Variants in OPA1 observed in about 807,000 individuals in gnomAD.
The protein encoded by OPA1 is dynamin-like GTPase OPA1, mitochondrial.
Under a neutral mutation model 152.9 loss-of-function variants are expected in OPA1, and 59 were observed. The observed-to-expected ratio is 0.39, with a 90% confidence interval of 0.31 to 0.48. The LOEUF (loss-of-function observed/expected upper bound fraction) is 0.48. OPA1 is among the 20% of genes least tolerant of loss of function. The pLI is 0.96. For synonymous variants in OPA1, 400 were observed against 389.9 expected (o/e 1.03, Z -0.31); for missense variants, 1,008 against 1,216.8 (o/e 0.83, Z 2.55).
chr3:193,676,982 A>G (rs1174636827), intron 29 of OPA1, among the ~76,000 whole-genome samples: 6,925 of 67,026 alleles, frequency 0.1, 145 homozygotes, highest in Non-Finnish European at 0.15. Flanking sequence ...CTCGTCTCAA[A>G]AAAAAAAAAA....
chr3:193,607,579 A>G (rs1391394688), intron 1 of OPA1, among the ~76,000 whole-genome samples: 1 of 152,142 alleles, frequency 6.6e-6, no homozygotes, highest in Non-Finnish European at 1.5e-5. Context: ...AGTTGTAGAT[A>G]TGCGGCGTTA....
At chr3:193,612,380 G>A (rs1004041421) in intron 1 of OPA1, among the ~76,000 whole-genome samples, 5 of 150,786 alleles carry the variant, frequency 3.3e-5, no homozygotes, top group African/African-American at 9.8e-5. Context: ...GGAACAGTCC[G>A]AGTTAGATCA....
Position 193,654,970 on chromosome 3 carries a change from A to G in OPA1, c.2121A>G (p.Thr707=). Residue 707 remains threonine, a synonymous_variant, in exon 22 of 31, where the codon ACA becomes ACG. Coordinates refer to ENST00000361510, the MANE Select transcript of OPA1 (RefSeq NM_130837.3). ...QTMNSGTFNT[T]VDIKLKQWTD... ...TGAATTCAGGAACTTTTAACACCAC[A>G]GTGGATATCAAGCTTAAACAGTGGA... 1 of 1,613,964 alleles carries G rather than the reference A, an allele frequency of 6.2e-7. No individual in the cohort carries two copies. Among genetic ancestry groups the G allele is most frequent in the Non-Finnish European group, 8.5e-7 (1 of 1,179,898 alleles).
chr3:193,672,479 C>T (rs1718139985), intron 29 of OPA1, among the ~76,000 whole-genome samples: 1 of 152,262 alleles, frequency 6.6e-6, no homozygotes, highest in African/African-American at 2.4e-5. Flanking sequence ...TTCACTAAAG[C>T]CTGTTACACT....
At chr3:193,599,636 G>A (rs1355846124) in intron 1 of OPA1, among the ~76,000 whole-genome samples, 1 of 151,898 alleles carries the variant, frequency 6.6e-6, no homozygotes, top group Non-Finnish European at 1.5e-5. Context: ...TGTCGCTTGT[G>A]GAAATAATTT....
intron 29 of OPA1, among the ~76,000 whole-genome samples, chr3:193,679,433 G>A (rs1719769689): frequency 6.6e-6 from 1 of 151,966 alleles, no homozygotes; most frequent in Admixed American, 6.6e-5. Flanking sequence ...TTATTTTACA[G>A]TTTACAAAAC....
At chr3:193,688,108 G>A (rs1577401756) in intron 29 of OPA1, among the ~76,000 whole-genome samples, 2 of 152,108 alleles carry the variant, frequency 1.3e-5, no homozygotes, top group Non-Finnish European at 2.9e-5. Flanking sequence ...CACTAGTGTA[G>A]TATTCATGAA....
At chr3:193,633,318 G>C (rs551584630) in intron 8 of OPA1, among the ~76,000 whole-genome samples, 1 of 152,310 alleles carries the variant, frequency 6.6e-6, no homozygotes, top group African/African-American at 2.4e-5. Flanking sequence ...TAAAGTTTGA[G>C]AATTATTGTT....
At chr3:193,637,486 A>C in intron 10 of OPA1, among the ~76,000 whole-genome samples, 1 of 151,998 alleles carries the variant, frequency 6.6e-6, no homozygotes, top group East Asian at 1.9e-4. Flanking sequence ...ATATTAATAA[A>C]TATAAGTACA....
At chr3:193,603,623 A>C (rs1726787933) in intron 1 of OPA1, 2 of 152,228 alleles carry the variant, frequency 1.3e-5, no homozygotes, top group African/African-American at 2.4e-5. Context: ...CATGTCTACT[A>C]TCCGTAAATA....
In OPA1 at chr3:193,643,376, A is replaced by G. The variant is rs1012617533; in HGVS notation, c.1309A>G (p.Ile437Val). The change falls in exon 14 of 31, where the codon ATA becomes GTA. Residue 437 changes from isoleucine (I) to valine (V), a missense_variant. Coordinates refer to ENST00000361510, the MANE Select transcript of OPA1 (RefSeq NM_130837.3). ...TATTTTTATTTTTCCTGAGTAGACC[A>G]TATCCTTAAATGTAAAAGGCCCTGG... ...KEGCTVSPET[I>V]SLNVKGPGLQ... The G allele has an allele frequency of 1.2e-6, 2 of 1,607,404 alleles. No individual in the cohort carries two copies. Among genetic ancestry groups the G allele is most frequent in the Non-Finnish European group, 8.5e-7 (1 of 1,173,944 alleles).
At chr3:193,676,209 A>G (rs564165454) in intron 29 of OPA1, among the ~76,000 whole-genome samples, 1 of 151,514 alleles carries the variant, frequency 6.6e-6, no homozygotes, top group African/African-American at 2.4e-5. Flanking sequence ...TGATGTAGAA[A>G]TGTGTATGTT....
At chr3:193,613,358 TA>T (rs5855490) in intron 1 of OPA1, among the ~76,000 whole-genome samples, 69,597 of 151,350 alleles carry the variant, frequency 0.46, 16,242 homozygotes, top group Non-Finnish European at 0.47. Flanking sequence ...TAACAATACT[TA>T]AAAAAAAAAT....
Position 193,644,229 on chromosome 3 carries a change from A to G in OPA1, c.1608+124A>G, listed in dbSNP as rs1734200265. ...ACACCTTACAACTAAGATTTATTAC[A>G]ATGAAAGGATAAAGCAAAATCACAA... On this transcript the variant is annotated intron_variant, in intron 16 of 30. Coordinates refer to ENST00000361510, the MANE Select transcript of OPA1 (RefSeq NM_130837.3). 3 of 1,180,542 alleles carry G rather than the reference A, an allele frequency of 2.5e-6. No homozygotes were observed. The Admixed American group carries it at 5.6e-5, about 22-fold the overall frequency. The allele number at this position is 1,180,542 out of a possible 1,614,324, so 73.1% of individuals were successfully genotyped here.
rs781270720 is a variant in OPA1, at chr3:193,692,102, T to C, written c.3023T>C (p.Ile1008Thr). 6.4e-6 allele frequency: 10 copies of C among 1,551,572 alleles called. No individual in the cohort carries two copies. In the African/African-American group the frequency reaches 8.1e-5, roughly 13 times the overall value. Reference protein sequence around the residue: ...REIQEKLDAFIEALHQEK With the variant: ...REIQEKLDAFTEALHQEK ...ATTCAAGAAAAACTTGATGCTTTCATTGAAGCTCTTCATCAGGAGAAATAA... is the reference window on the plus strand; with the variant it reads ...ATTCAAGAAAAACTTGATGCTTTCACTGAAGCTCTTCATCAGGAGAAATAA... The change falls in exon 30 of 31, where the codon ATT becomes ACT. Residue 1008 changes from isoleucine to threonine, a missense_variant. By Grantham distance (89) the Ile-to-Thr change is moderately conservative (BLOSUM62 -1). This residue lies in a region of OPA1 where 137 missense variants were observed against 171.0 expected (regional missense o/e 0.80). Transcript: ENST00000361510.
At position 193,696,744 on chromosome 3, in the gene OPA1, G is replaced by A. The variant is rs1303677166; in HGVS notation, c.*2144G>A. ...TAGCCACAGAATCATTTGTTTTTAT[G>A]TCAGAATTTGCAAAGAGTGGAGTGG... On this transcript the variant is annotated 3_prime_UTR_variant, in exon 31 of 31. Coordinates refer to ENST00000361510, the MANE Select transcript of OPA1 (RefSeq NM_130837.3). 6.6e-6 allele frequency: 1 copy of A among 152,180 alleles called. No individual in the cohort carries two copies. Among genetic ancestry groups the A allele is most frequent in the Non-Finnish European group, 1.5e-5 (1 of 68,022 alleles). The allele number at this position is 152,180 out of a possible 1,614,324, so 9.4% of individuals were successfully genotyped here.
chr3:193,640,640 A>C (rs1733645426), intron 11 of OPA1, among the ~76,000 whole-genome samples: 2 of 152,254 alleles, frequency 1.3e-5, no homozygotes, highest in Admixed American at 6.5e-5. Flanking sequence ...TCTAGGAGTG[A>C]ATCAGTGGAG....
Position 193,648,881 on chromosome 3 carries a change from T to G in OPA1, c.2012+10T>G. ...TTACACCAAAACATTGGTAAGTATT[T>G]GATATTAATCTCTTTTCTGAAAGAC... On this transcript the variant is annotated intron_variant, in intron 21 of 30. Transcript: ENST00000361510. 2.6e-6 allele frequency: 4 copies of G among 1,534,470 alleles called. No individual in the cohort carries two copies. Among genetic ancestry groups the G allele is most frequent in the Non-Finnish European group, 3.6e-6 (4 of 1,107,636 alleles).
chr3:193,694,229 A>G (rs1024910543), intron 30 of OPA1, among the ~76,000 whole-genome samples: 8 of 152,244 alleles, frequency 5.3e-5, no homozygotes, highest in African/African-American at 1.4e-4. Context: ...AATCTGGCAG[A>G]ATGGTAACCT....
Sources: gnomAD v4.1 joint callset for allele counts (sites outside exome capture counted in the v4.1 genomes callset) on GRCh38, gnomAD v4.1.1 for gene constraint, gnomAD v4.1.1 regional missense constraint, MANE v1.5 for transcripts, NCBI Gene and HGNC (gene_info 2026-07-23, HGNC 2026-07-21) for gene names.